Variants in GFI1B observed in about 807,000 individuals in gnomAD.
The protein encoded by GFI1B is zinc finger protein Gfi-1b.
In GFI1B, 20 loss-of-function variants were observed where a neutral mutation model predicts 35.3. That is an observed-to-expected ratio of 0.57 (90% CI 0.40 to 0.82). The LOEUF (loss-of-function observed/expected upper bound fraction) is 0.82, where lower values mean the gene tolerates loss of function less well. GFI1B is among the 40% of genes least tolerant of loss of function. GFI1B has a pLI of 0.00. For missense variants in GFI1B, 430 were observed against 446.3 expected (o/e 0.96, Z 0.33); for synonymous variants, 178 against 177.6 (o/e 1.00, Z -0.02).
chr9:132,991,906 G>T (rs1849306776), downstream of GFI1B, among the ~76,000 whole-genome samples: 1 of 152,116 alleles, frequency 6.6e-6, no homozygotes, highest in African/African-American at 2.4e-5. Context: ...ACAGGGGTGG[G>T]CAAGGCTAGT....
At chr9:132,985,191 T>C (rs1848998138) in intron 1 of GFI1B, among the ~76,000 whole-genome samples, 1 of 152,120 alleles carries the variant, frequency 6.6e-6, no homozygotes, top group South Asian at 2.1e-4. Context: ...CGGGGGAACC[T>C]CACAGGCTGA....
intron 1 of GFI1B, among the ~76,000 whole-genome samples, chr9:132,962,067 T>TACAC (rs145131246): frequency 0.27 from 38,706 of 143,674 alleles, 5,724 homozygotes; most frequent in African/African-American, 0.42. Context: ...ACCTACACTC[T>TACAC]ACACACACAC....
chr9:132,969,969 G>A (rs577869577), intron 1 of GFI1B, among the ~76,000 whole-genome samples: 6 of 152,242 alleles, frequency 3.9e-5, no homozygotes, highest in South Asian at 4.1e-4. Flanking sequence ...TGTAAATCGC[G>A]TGCAAATCCT....
At chr9:132,955,355 T>A (rs1457273669) in intron 1 of GFI1B, among the ~76,000 whole-genome samples, 1 of 152,146 alleles carries the variant, frequency 6.6e-6, no homozygotes, top group Non-Finnish European at 1.5e-5. Context: ...AGTGGTGTGT[T>A]AGTAGCTCAC....
chr9:132,983,447 G>A (rs1317746174), intron 1 of GFI1B, among the ~76,000 whole-genome samples: 1 of 151,878 alleles, frequency 6.6e-6, no homozygotes, highest in African/African-American at 2.4e-5. Context: ...CGTCCGCCTC[G>A]GCCTCCCAAA....
intron 1 of GFI1B, among the ~76,000 whole-genome samples, chr9:132,969,941 C>T (rs1340905215): frequency 2.0e-5 from 3 of 152,102 alleles, no homozygotes; most frequent in South Asian, 2.1e-4. Context: ...CGAAGGCGGC[C>T]GGTACATGCA....
At chr9:132,949,504 G>A (rs936804861) in intron 1 of GFI1B, among the ~76,000 whole-genome samples, 2 of 152,066 alleles carry the variant, frequency 1.3e-5, no homozygotes, top group African/African-American at 4.8e-5. Context: ...TTACACAACT[G>A]CAGGGGGACC....
chr9:132,991,068 G>T lies in GFI1B; in HGVS notation c.*18G>T, dbSNP rs1244265301. The T allele has an allele frequency of 3.1e-6, 5 of 1,610,102 alleles. No homozygotes were observed. The highest frequency in any genetic ancestry group is 4.2e-6 in the Non-Finnish European group (5 of 1,178,876). ...TCAAGTGAGGCTGCGCCGGCTCCCA[G>T]CTCCTGGCCAGCCTGCCCTGCGGTC... is the stretch of plus-strand genomic sequence containing the variant. On this transcript the variant is annotated 3_prime_UTR_variant, in exon 7 of 7. Coordinates refer to ENST00000372122, the MANE Select transcript of GFI1B (RefSeq NM_001377304.1).
intron 6 of GFI1B, among the ~76,000 whole-genome samples, chr9:132,990,270 TTCATTCATTTGCTCATTCATTTGTTCAC>T (rs1311594296): frequency 5.9e-5 from 9 of 151,700 alleles, no homozygotes; most frequent in African/African-American, 1.9e-4. Flanking sequence ...TGTTCACTCA[TTCATTCATTTGCTCATTCATTTGTTCAC>T]TCATTCATTT....
chr9:132,961,765 G>C (rs1848369144), intron 1 of GFI1B, among the ~76,000 whole-genome samples: 1 of 151,864 alleles, frequency 6.6e-6, no homozygotes, highest in Non-Finnish European at 1.5e-5. Flanking sequence ...CCAATTTTTT[G>C]TGTTTTTAAT....
rs758511441 is a variant in GFI1B at position 132,991,660 on chromosome 9, C to G, written c.*610C>G. On this transcript the variant is annotated 3_prime_UTR_variant, in exon 7 of 7. Transcript: ENST00000372122. The stretch of plus-strand genomic sequence containing the variant: ...TGCTGTCAAAAGCCTGTTCTCTCAA[C>G]TGCTGTCAATAAAATTAAAGATACA... The G allele has an allele frequency of 6.4e-6, 1 of 157,462 alleles. No individual in the cohort carries two copies. Among genetic ancestry groups the G allele is most frequent in the Non-Finnish European group, 1.4e-5 (1 of 71,098 alleles). The allele number at this position is 157,462 out of a possible 1,614,324, so 9.8% of individuals were successfully genotyped here.
At chr9:132,951,501 A>G (rs954221045) in intron 1 of GFI1B, 1 of 152,168 alleles carries the variant, frequency 6.6e-6, no homozygotes, top group Non-Finnish European at 1.5e-5. Flanking sequence ...TTATCTCCCT[A>G]TTAACTATCT....
chr9:132,947,741 A>C (rs993189996), intron 1 of GFI1B, among the ~76,000 whole-genome samples: 3 of 148,862 alleles, frequency 2.0e-5, no homozygotes, highest in Non-Finnish European at 4.5e-5. Context: ...CCTGGGAGGC[A>C]GAGGTTGTAG....
At position 132,986,742 on chromosome 9, in the gene GFI1B, G is replaced by A. The variant is rs776935786; in HGVS notation, c.64G>A (p.Glu22Lys). 3.1e-6 allele frequency: 5 copies of A among 1,612,964 alleles called. No homozygotes were observed. Among genetic ancestry groups the A allele is most frequent in the Admixed American group, 1.7e-5 (1 of 59,910 alleles). The change falls in exon 2 of 7, where the codon GAA (glutamate) becomes AAA (lysine). Residue 22 changes from glutamate (E) to lysine (K), a missense_variant. Transcript: ENST00000372122. Reference protein sequence around the residue: ...AHTYHQPRVQEDEPLWPPALT... With the variant: ...AHTYHQPRVQKDEPLWPPALT... ...CACCTACCACCAGCCCCGTGTGCAG[G>A]AAGATGAACCGCTCTGGCCTCCTGC...
intron 1 of GFI1B, among the ~76,000 whole-genome samples, chr9:132,955,723 G>T (rs747513017): frequency 6.6e-6 from 1 of 151,780 alleles, no homozygotes; most frequent in Non-Finnish European, 1.5e-5. Flanking sequence ...TAAACGGATT[G>T]GTTGATTGAT....
At chr9:132,987,248 G>C (rs1176630825) in intron 2 of GFI1B, 34 bp from the exon 3 acceptor site, 2 of 1,609,834 alleles carry the variant, frequency 1.2e-6, no homozygotes, top group Non-Finnish European at 1.7e-6. Flanking sequence ...CAGAAACCGT[G>C]GCTATTGATG....
intron 1 of GFI1B, among the ~76,000 whole-genome samples, chr9:132,959,537 A>C (rs987205167): frequency 3.3e-5 from 5 of 152,246 alleles, no homozygotes; most frequent in African/African-American, 1.2e-4. Flanking sequence ...CAGTGTGAGC[A>C]CTGAGTAAAT....
chr9:132,989,859 C>A lies in GFI1B; in HGVS notation c.766C>A (p.Arg256Ser). Residue 256 changes from arginine to serine, a missense_variant, in exon 6 of 7, where the codon CGT becomes AGT. Transcript: ENST00000372122. The surrounding 1 kb of genome is among the most constrained non-coding windows in gnomAD (Gnocchi z 6.2). ...CTACCCCTGCCAGTTCTGCGGCAAG[C>A]GTTTCCACCAGAAGTCCGACATGAA... ...RPYPCQFCGK[R>S]FHQKSDMKKH... 1 of 1,614,224 alleles carries A rather than the reference C, an allele frequency of 6.2e-7. No individual in the cohort carries two copies. Among genetic ancestry groups the A allele is most frequent in the Non-Finnish European group, 8.5e-7 (1 of 1,180,002 alleles).
At chr9:132,977,034 C>T (rs896077127), upstream of GFI1B, among the ~76,000 whole-genome samples, 2 of 152,136 alleles carry the variant, frequency 1.3e-5, no homozygotes, top group East Asian at 1.9e-4. Flanking sequence ...CTGGACTCAC[C>T]GCAACCTCTG....
Sources: gnomAD v4.1 joint callset for allele counts (sites outside exome capture counted in the v4.1 genomes callset) on GRCh38, gnomAD v4.1.1 for gene constraint, Gnocchi (gnomAD v3.1) non-coding constraint, MANE v1.5 for transcripts, NCBI Gene and HGNC (gene_info 2026-07-23, HGNC 2026-07-21) for gene names.